TAS1R1: variants seen among roughly 807,000 people sequenced by gnomAD.
The protein encoded by TAS1R1 is taste receptor type 1 member 1.
TAS1R1 carries 31 observed loss-of-function variants against 45.8 expected under a neutral mutation model. The observed-to-expected ratio is 0.68, with a 90% CI of 0.51 to 0.91. TAS1R1 has a LOEUF of 0.91. TAS1R1 is among the 40% of genes least tolerant of loss of function. The pLI, the probability that TAS1R1 is intolerant of heterozygous loss-of-function variation, is 0.00. For missense variants in TAS1R1, 1,051 were observed against 1,063.9 expected (o/e 0.99, Z 0.17); for synonymous variants, 437 against 448.4 (o/e 0.97, Z 0.32).
At chr1:6,569,993 A>G (rs1216016557) in intron 1 of TAS1R1, among the ~76,000 whole-genome samples, 1 of 144,172 alleles carries the variant, frequency 6.9e-6, no homozygotes, top group Non-Finnish European at 1.5e-5. Context: ...TCTAGCACAC[A>G]GCCAGGGAGG....
In TAS1R1 at chr1:6,579,150, C is replaced by A. The variant is rs375925210; in HGVS notation, c.2092C>A (p.Leu698Met). The A allele has an allele frequency of 6.2e-7, 1 of 1,614,220 alleles. No homozygotes were observed. The highest frequency in any genetic ancestry group is 1.3e-5 in the African/African-American group (1 of 75,064). ...CCAGCTGCTTATCTGTCTAACTTGG[C>A]TGGTGGTGTGGACCCCACTGCCTGC... The part of the protein sequence containing the change: ...AAQLLICLTW[L>M]VVWTPLPARE... Residue 698 changes from leucine to methionine, a missense_variant, in exon 6 of 6, where the codon CTG becomes ATG. By Grantham distance (15) the Leu-to-Met change is conservative (BLOSUM62 2). Transcript: ENST00000333172.
Position 6,579,227 on chromosome 1 carries a change from C to CA in TAS1R1, c.2171dup (p.Asn724LysfsTer27), listed in dbSNP as rs763009626. On this transcript the variant is annotated frameshift_variant, in exon 6 of 6. Coordinates refer to ENST00000333172, the MANE Select transcript of TAS1R1 (RefSeq NM_138697.4). LOFTEE classifies it low-confidence loss of function (END_TRUNC). Reference sequence around the variant, plus strand: ...TGGTGATGCTTGAGTGCACAGAGACCAACTCCCTGGGCTTCATACTGGCCT... The same window carrying CA: ...TGGTGATGCTTGAGTGCACAGAGACCAAACTCCCTGGGCTTCATACTGGCCT... The CA allele has an allele frequency of 6.8e-6, 11 of 1,614,192 alleles. No individual in the cohort carries two copies. The highest frequency in any genetic ancestry group is 9.3e-6 in the Non-Finnish European group (11 of 1,180,026).
At position 6,574,115 on chromosome 1, in the gene TAS1R1, G is replaced by A. The variant is rs917417972; in HGVS notation, c.499-516G>A. On this transcript the variant is annotated intron_variant, in intron 2 of 5. Coordinates refer to ENST00000333172, the MANE Select transcript of TAS1R1 (RefSeq NM_138697.4). This position sits in a 1 kb window ranked among gnomAD's most constrained non-coding sequence, Gnocchi z 4.3. ...CAGACATTAGATTCTCATAAGTAGC[G>A]TGCAACCCAGATCCCTCGCATGTGC... Among the ~76,000 whole-genome samples the A allele has an allele frequency of 2.0e-5, 3 of 152,104 alleles. No individual in the cohort carries two copies. The highest frequency in any genetic ancestry group is 4.8e-5 in the African/African-American group (2 of 41,396).
At chr1:6,558,699 C>T (rs1326455387) in intron 1 of TAS1R1, among the ~76,000 whole-genome samples, 1 of 150,196 alleles carries the variant, frequency 6.7e-6, no homozygotes, top group Non-Finnish European at 1.5e-5. Context: ...GGGTTAGAGT[C>T]TCCAGCGAGA....
Position 6,578,860 on chromosome 1 carries a change from G to A in TAS1R1, c.1802G>A (p.Gly601Glu). Residue 601 changes from glycine (G) to glutamate (E), a missense_variant, in exon 6 of 6, where the codon GGG becomes GAG. Coordinates refer to ENST00000333172, the MANE Select transcript of TAS1R1 (RefSeq NM_138697.4). Reference protein sequence around the residue: ...HLDTPVVRSAGGRLCFLMLGS... With the variant: ...HLDTPVVRSAEGRLCFLMLGS... ...GACACCCCTGTGGTGAGGTCAGCAG[G>A]GGGCCGCCTGTGCTTTCTTATGCTG... 6.2e-7 allele frequency: 1 copy of A among 1,609,274 alleles called. No individual in the cohort carries two copies. The highest frequency in any genetic ancestry group is 8.5e-7 in the Non-Finnish European group (1 of 1,176,612).
intron 1 of TAS1R1, among the ~76,000 whole-genome samples, chr1:6,560,970 T>C (rs1444240437): frequency 1.0e-5 from 1 of 99,322 alleles, no homozygotes; most frequent in East Asian, 3.4e-4. Context: ...GGCGACAGAG[T>C]CGGAAGACTC....
rs2148674804 is a variant in TAS1R1 at position 6,574,705 on chromosome 1, T to C, written c.573T>C (p.Asn191=). ...CCTCTTTCCTGCGCACCATCCCCAA[T>C]GACAAGTACCAGGTGGAGACCATGG... ...QYPSFLRTIP[N]DKYQVETMVL... Residue 191 remains asparagine, a synonymous_variant, in exon 3 of 6, where the codon AAT becomes AAC. Transcript: ENST00000333172. This position sits in a 1 kb window ranked among gnomAD's most constrained non-coding sequence, Gnocchi z 4.3. The C allele has an allele frequency of 6.2e-7, 1 of 1,614,196 alleles. No homozygotes were observed. The highest frequency in any genetic ancestry group is 8.5e-7 in the Non-Finnish European group (1 of 1,180,024).
intron 3 of TAS1R1, 95 bp from the exon 4 acceptor site, chr1:6,576,320 C>G: frequency 8.2e-7 from 1 of 1,224,282 alleles, no homozygotes; most frequent in East Asian, 2.3e-5. Context: ...CTGAAACCAC[C>G]AGGACGGAAA....
At position 6,575,348 on chromosome 1, in the gene TAS1R1, T is replaced by C; in HGVS notation, c.1216T>C (p.Cys406Arg). 1 of 1,602,596 alleles carries C rather than the reference T, an allele frequency of 6.2e-7. No homozygotes were observed. The highest frequency in any genetic ancestry group is 8.5e-7 in the Non-Finnish European group (1 of 1,175,326). ...CCATGGCCTCCACCAGCTCCTGGGC[T>C]GTGCCTCTGGAGCTTGTTCCAGGGG... ...VAHGLHQLLG[C>R]ASGACSRGRV... The change falls in exon 3 of 6, where the codon TGT (cysteine) becomes CGT (arginine). Residue 406 changes from cysteine to arginine, a missense_variant. Transcript: ENST00000333172.
chr1:6,579,119 A>G lies in TAS1R1; in HGVS notation c.2061A>G (p.Ser687=). The G allele has an allele frequency of 6.2e-7, 1 of 1,614,190 alleles. No individual in the cohort carries two copies. The highest frequency in any genetic ancestry group is 8.5e-7 in the Non-Finnish European group (1 of 1,180,038). Residue 687 remains serine, a synonymous_variant, in exon 6 of 6, where the codon TCA becomes TCG. Transcript: ENST00000333172. ...HGAGLFVMIS[S]AAQLLICLTW... is the part of the protein sequence containing the mutation. The stretch of plus-strand genomic sequence containing the variant: ...CTGGCCTGTTTGTGATGATCAGCTC[A>G]GCGGCCCAGCTGCTTATCTGTCTAA...
At chr1:6,577,547 G>A (rs1341959907) in intron 5 of TAS1R1, among the ~76,000 whole-genome samples, 2 of 149,240 alleles carry the variant, frequency 1.3e-5, no homozygotes, top group Non-Finnish European at 3.0e-5. Flanking sequence ...AAAGGAGGCC[G>A]GGCGCGGTGG....
chr1:6,563,969 G>A (rs1639831261), intron 1 of TAS1R1, among the ~76,000 whole-genome samples: 1 of 152,120 alleles, frequency 6.6e-6, no homozygotes, highest in Non-Finnish European at 1.5e-5. Flanking sequence ...AGAGAAATCA[G>A]GAATGTACTT....
At chr1:6,575,419 T>G (rs2148675541) in intron 3 of TAS1R1, 27 bp downstream of exon 3, 1 of 1,523,888 alleles carries the variant, frequency 6.6e-7, no homozygotes, top group Non-Finnish European at 8.8e-7. Flanking sequence ...CAGCACCTCC[T>G]GTCAGGGAGA....
chr1:6,568,404 G>A (rs1029534811), intron 1 of TAS1R1, among the ~76,000 whole-genome samples: 4 of 151,084 alleles, frequency 2.6e-5, no homozygotes, highest in Admixed American at 6.6e-5. Context: ...GCAGTGAGCC[G>A]AGATTGCGCC....
chr1:6,570,945 C>T lies in TAS1R1; in HGVS notation c.228C>T (p.Phe76=). 2 of 1,611,270 alleles carry T rather than the reference C, an allele frequency of 1.2e-6. No individual in the cohort carries two copies. The highest frequency in any genetic ancestry group is 1.7e-6 in the Non-Finnish European group (2 of 1,178,526). Reference sequence around the variant, plus strand: ...TCAATGAGCATGGCTACCACCTCTTCCAGGCTATGCGGCTTGGGGTTGAGG... The same window carrying T: ...TCAATGAGCATGGCTACCACCTCTTTCAGGCTATGCGGCTTGGGGTTGAGG... ...CSFNEHGYHL[F]QAMRLGVEEI... Residue 76 remains phenylalanine (F), a synonymous_variant, in exon 2 of 6, where the codon TTC becomes TTT. Coordinates refer to ENST00000333172, the MANE Select transcript of TAS1R1 (RefSeq NM_138697.4).
chr1:6,562,419 C>T (rs1329266105), intron 1 of TAS1R1, among the ~76,000 whole-genome samples: 3 of 152,182 alleles, frequency 2.0e-5, no homozygotes, highest in Non-Finnish European at 2.9e-5. Flanking sequence ...CCACTCGCCT[C>T]GGCCTCCCAA....
intron 1 of TAS1R1, among the ~76,000 whole-genome samples, chr1:6,569,251 G>A (rs1639948346): frequency 6.6e-6 from 1 of 152,168 alleles, no homozygotes; most frequent in African/African-American, 2.4e-5. Context: ...GGGGCTGTAG[G>A]AAGAGTGACA....
chr1:6,556,627 C>T (rs1441788614), intron 1 of TAS1R1, among the ~76,000 whole-genome samples: 1 of 151,748 alleles, frequency 6.6e-6, no homozygotes, highest in African/African-American at 2.4e-5. Flanking sequence ...GTCTCGAACT[C>T]CCGACCTCAG....
chr1:6,576,378 C>T, intron 3 of TAS1R1, 37 bp from the exon 4 acceptor site: 3 of 1,605,694 alleles, frequency 1.9e-6, no homozygotes, highest in Non-Finnish European at 2.6e-6. Context: ...TGGGTCTGTG[C>T]TGTCTGTGGT....
Sources: allele counts gnomAD v4.1 joint callset (sites outside exome capture counted in the v4.1 genomes callset), GRCh38; gene constraint gnomAD v4.1.1; non-coding constraint Gnocchi (gnomAD v3.1); transcripts MANE v1.5; gene names NCBI Gene and HGNC (gene_info 2026-07-23, HGNC 2026-07-21).